Variants in HDAC9 observed in about 807,000 individuals in gnomAD.
The protein encoded by HDAC9 is histone deacetylase 9.
HDAC9 carries 41 observed loss-of-function variants against 139.4 expected under a neutral mutation model. The observed-to-expected ratio is 0.29, with a 90% CI of 0.23 to 0.38. HDAC9 has a LOEUF of 0.38. Among genes scored for constraint, HDAC9 ranks in the 10% least tolerant of loss-of-function variants. The probability of loss-of-function intolerance (pLI) is 1.00; values close to 1 mark genes in which losing one functional copy is unlikely to be tolerated. For missense variants in HDAC9, 1,147 were observed against 1,297.0 expected, an observed-to-expected ratio of 0.88 and a Z score of 1.78; for synonymous variants, 517 against 476.2, an observed-to-expected ratio of 1.09 and a Z score of -1.12.
At chr7:18,529,333 G>A (rs562627266) in intron 2 of HDAC9, among the ~76,000 whole-genome samples, 1 of 152,132 alleles carries the variant, frequency 6.6e-6, no homozygotes, top group Non-Finnish European at 1.5e-5. Flanking sequence ...AAAAAGATGG[G>A]CATAAAAGCA....
chr7:18,110,044 C>G (rs1783506204), intron 1 of HDAC9, among the ~76,000 whole-genome samples: 1 of 152,122 alleles, frequency 6.6e-6, no homozygotes, highest in South Asian at 2.1e-4. Flanking sequence ...AGAACATTCC[C>G]CAGACAATTC....
chr7:18,518,679 G>A (rs1024211921), intron 2 of HDAC9, among the ~76,000 whole-genome samples: 7 of 152,110 alleles, frequency 4.6e-5, no homozygotes, highest in South Asian at 2.1e-4. Context: ...CATTAAAGCC[G>A]ACTGCTGTAT....
chr7:18,607,500 C>A (rs775442669), intron 6 of HDAC9, among the ~76,000 whole-genome samples: 1 of 152,160 alleles, frequency 6.6e-6, no homozygotes. Context: ...AAATATACTG[C>A]CCAGTACAGT....
intron 1 of HDAC9, among the ~76,000 whole-genome samples, chr7:18,421,104 T>G (rs918695575): frequency 1.4e-4 from 21 of 152,216 alleles, no homozygotes; most frequent in Non-Finnish European, 3.1e-4. Flanking sequence ...TTCATTATCC[T>G]TAAAATTGTG....
At chr7:18,684,549 TA>T (rs372743110) in intron 12 of HDAC9, among the ~76,000 whole-genome samples, 1 of 152,116 alleles carries the variant, frequency 6.6e-6, no homozygotes, top group African/African-American at 2.4e-5. Context: ...TTAGATGGTT[TA>T]AAGGCATCTT....
intron 2 of HDAC9, among the ~76,000 whole-genome samples, chr7:18,266,962 AG>A (rs971240527): frequency 3.7e-4 from 22 of 59,312 alleles, no homozygotes; most frequent in African/African-American, 1.7e-3. Context: ...TTTCAAACTG[AG>A]AAAAAAAAAT....
Position 18,725,401 on chromosome 7 carries a change from C to CT in HDAC9, c.1732-2177dup, listed in dbSNP as rs563473284. Among the ~76,000 whole-genome samples the CT allele has an allele frequency of 2.6e-5, 4 of 152,190 alleles. No homozygotes were observed. In the East Asian group the frequency reaches 7.7e-4, roughly 29 times the overall value. ...TTAGAAAAGAATAAATGATCTAAGG[C>CT]TTAAAATGTAGGTTAGCCTCAGGTA... On this transcript the variant is annotated intron_variant, in intron 12 of 25. Coordinates refer to ENST00000686413, the MANE Select transcript of HDAC9 (RefSeq NM_178425.4).
chr7:18,866,544 C>T (rs1356745697), intron 21 of HDAC9, among the ~76,000 whole-genome samples: 1 of 152,162 alleles, frequency 6.6e-6, no homozygotes, highest in Non-Finnish European at 1.5e-5. Context: ...TTCCTTCTAA[C>T]CTATGACCTT....
chr7:18,853,076 G>C (rs1797421780), intron 21 of HDAC9, among the ~76,000 whole-genome samples: 1 of 152,120 alleles, frequency 6.6e-6, no homozygotes, highest in Non-Finnish European at 1.5e-5. Context: ...AATGTGGACT[G>C]AGGCTAGTCC....
chr7:18,771,946 A>C (rs1213988683), intron 16 of HDAC9, among the ~76,000 whole-genome samples: 1 of 152,174 alleles, frequency 6.6e-6, no homozygotes, highest in Non-Finnish European at 1.5e-5. Flanking sequence ...GGCAGGAAGA[A>C]TAAGATAAGG....
intron 12 of HDAC9, among the ~76,000 whole-genome samples, chr7:18,670,780 C>T (rs1795625801): frequency 6.6e-6 from 1 of 151,910 alleles, no homozygotes; most frequent in Non-Finnish European, 1.5e-5. Flanking sequence ...TTCTCTCTCT[C>T]TCCTCATTAG....
chr7:18,418,826 G>A (rs1256682102), intron 1 of HDAC9, among the ~76,000 whole-genome samples: 1 of 151,986 alleles, frequency 6.6e-6, no homozygotes, highest in African/African-American at 2.4e-5. Context: ...TGCATGCTAT[G>A]TGGAGTCCCC....
At chr7:18,714,277 TA>T (rs745347326) in intron 12 of HDAC9, among the ~76,000 whole-genome samples, 1 of 152,230 alleles carries the variant, frequency 6.6e-6, no homozygotes, top group African/African-American at 2.4e-5. Context: ...AAACATAGGT[TA>T]TTTTTCTGCT....
intron 12 of HDAC9, among the ~76,000 whole-genome samples, chr7:18,707,284 C>G (rs906234254): frequency 1.3e-5 from 2 of 152,148 alleles, no homozygotes; most frequent in African/African-American, 4.8e-5. Context: ...AAAGAGGTCA[C>G]TAGTCACTTT....
chr7:18,456,427 G>A (rs1191141789), intron 1 of HDAC9, among the ~76,000 whole-genome samples: 1 of 152,044 alleles, frequency 6.6e-6, no homozygotes, highest in African/African-American at 2.4e-5. Context: ...GTTGAGATGG[G>A]GTTTCACCAT....
At chr7:18,666,593 T>C in intron 12 of HDAC9, 117 bp downstream of exon 12, 1 of 1,492,748 alleles carries the variant, frequency 6.7e-7, no homozygotes, top group Non-Finnish European at 8.9e-7. Context: ...TTCTCTATGA[T>C]TTGAGTTCAG....
intron 2 of HDAC9, among the ~76,000 whole-genome samples, chr7:18,568,481 A>G (rs1454109223): frequency 1.3e-5 from 2 of 152,196 alleles, no homozygotes; most frequent in African/African-American, 4.8e-5. Context: ...TATGTTGCTC[A>G]TTTTAAAGTG....
intron 2 of HDAC9, among the ~76,000 whole-genome samples, chr7:18,232,839 G>C (rs1000089940): frequency 1.3e-5 from 2 of 152,092 alleles, no homozygotes; most frequent in Non-Finnish European, 1.5e-5. Flanking sequence ...AATGCCCTTT[G>C]CCCAATTCCT....
At chr7:18,360,955 G>C (rs777406222) in intron 1 of HDAC9, among the ~76,000 whole-genome samples, 3 of 152,130 alleles carry the variant, frequency 2.0e-5, no homozygotes, top group African/African-American at 4.8e-5. Flanking sequence ...AATTACCCTT[G>C]TCTGGGATCA....
Sources: gnomAD v4.1 joint callset for allele counts (sites outside exome capture counted in the v4.1 genomes callset) on GRCh38, gnomAD v4.1.1 for gene constraint, MANE v1.5 for transcripts, NCBI Gene and HGNC (gene_info 2026-07-23, HGNC 2026-07-21) for gene names.